The following HMG20A variants were observed in gnomAD, a reference collection of about 807,000 sequenced individuals.
HMG20A encodes high mobility group 20A.
In HMG20A, 17 loss-of-function variants were observed where a neutral mutation model predicts 43.9. The ratio of observed to expected loss-of-function variants is 0.39; its 90% confidence interval spans 0.27 to 0.58. The LOEUF is 0.58. Among genes scored for constraint, HMG20A ranks in the 20% least tolerant of loss-of-function variants. HMG20A has a pLI of 0.59. For missense variants in HMG20A, 341 were observed against 438.2 expected, an observed-to-expected ratio of 0.78 and a Z score of 1.98; for synonymous variants, 132 against 147.5, an observed-to-expected ratio of 0.89 and a Z score of 0.76.
chr15:77,430,291 G>A (rs189235769), intron 1 of HMG20A, among the ~76,000 whole-genome samples: 47 of 152,276 alleles, frequency 3.1e-4, no homozygotes, highest in Admixed American at 2.2e-3. Flanking sequence ...ATAACTTGCC[G>A]AATCACTTAA....
At chr15:77,437,927 A>G (rs373309678) in intron 1 of HMG20A, among the ~76,000 whole-genome samples, 2 of 151,716 alleles carry the variant, frequency 1.3e-5, no homozygotes, top group Non-Finnish European at 2.9e-5. Flanking sequence ...AGCAGTCTTG[A>G]CTAAATAACT....
At chr15:77,478,016 A>T in intron 7 of HMG20A, 2 of 520,700 alleles carry the variant, frequency 3.8e-6, no homozygotes, top group South Asian at 4.3e-5. Flanking sequence ...TGTACAATTT[A>T]AAAAGCAAAA....
chr15:77,463,381 T>A (rs2072723657), intron 2 of HMG20A, among the ~76,000 whole-genome samples: 1 of 152,208 alleles, frequency 6.6e-6, no homozygotes, highest in Admixed American at 6.5e-5. Flanking sequence ...TTCCCTATAA[T>A]ACTATGGGTT....
intron 1 of HMG20A, among the ~76,000 whole-genome samples, chr15:77,439,014 C>T (rs1156616311): frequency 6.6e-6 from 1 of 151,840 alleles, no homozygotes; most frequent in Non-Finnish European, 1.5e-5. Context: ...AGGATAGTCT[C>T]GATCTCCTTA....
intron 1 of HMG20A, among the ~76,000 whole-genome samples, chr15:77,446,527 G>A (rs1411856366): frequency 6.6e-6 from 1 of 152,136 alleles, no homozygotes; most frequent in Non-Finnish European, 1.5e-5. Flanking sequence ...TACATATGTG[G>A]CTGGGTGCGG....
chr15:77,454,467 T>G (rs1031861711), intron 1 of HMG20A, among the ~76,000 whole-genome samples: 4 of 152,096 alleles, frequency 2.6e-5, no homozygotes, highest in Admixed American at 6.5e-5. Flanking sequence ...CTGACTGAGT[T>G]GGAGGATTTG....
intron 2 of HMG20A, among the ~76,000 whole-genome samples, chr15:77,463,072 A>G (rs2072720411): frequency 1.3e-5 from 2 of 152,022 alleles, no homozygotes; most frequent in Non-Finnish European, 2.9e-5. Flanking sequence ...ACACCTAGCC[A>G]TTCTGCCTCT....
At chr15:77,517,804 C>G in the HMG20A span, among the ~76,000 whole-genome samples, 2 of 151,966 alleles carry the variant, frequency 1.3e-5, no homozygotes, top group Non-Finnish European at 2.9e-5. Context: ...CCTGGAGACA[C>G]TTCGCATACA....
chr15:77,461,010 A>G (rs2072699956), intron 2 of HMG20A, among the ~76,000 whole-genome samples: 1 of 152,118 alleles, frequency 6.6e-6, no homozygotes, highest in Admixed American at 6.6e-5. Context: ...AAAAAAAGTC[A>G]GAAAGAATAG....
chr15:77,429,449 T>A (rs901211944), intron 1 of HMG20A, among the ~76,000 whole-genome samples: 3 of 152,164 alleles, frequency 2.0e-5, no homozygotes, highest in Admixed American at 6.5e-5. Context: ...TTCCTATACT[T>A]CATAGCTTTA....
At chr15:77,495,918 A>G in the HMG20A span, among the ~76,000 whole-genome samples, 19 of 152,122 alleles carry the variant, frequency 1.2e-4, no homozygotes, top group Admixed American at 1.2e-3. Flanking sequence ...CACGAATGGT[A>G]GGTGGCTGTC....
intron 6 of HMG20A, among the ~76,000 whole-genome samples, chr15:77,476,264 C>T (rs1179847237): frequency 6.6e-6 from 1 of 152,006 alleles, no homozygotes; most frequent in Non-Finnish European, 1.5e-5. Context: ...GGTGGATCAC[C>T]TGAGGTCAGG....
chr15:77,479,961 A>G (rs1595933592), intron 9 of HMG20A, among the ~76,000 whole-genome samples: 1 of 152,310 alleles, frequency 6.6e-6, no homozygotes, highest in East Asian at 1.9e-4. Context: ...TGGACTCACC[A>G]TACAAACAGG....
At chr15:77,509,900 C>T in the HMG20A span, among the ~76,000 whole-genome samples, 22 of 126,466 alleles carry the variant, frequency 1.7e-4, no homozygotes, top group African/African-American at 6.0e-4. Context: ...AGCAAGACTC[C>T]GCCTCAAAAA....
At chr15:77,425,808 T>A (rs1400005024) in intron 1 of HMG20A, among the ~76,000 whole-genome samples, 1 of 152,178 alleles carries the variant, frequency 6.6e-6, no homozygotes, top group Admixed American at 6.5e-5. Flanking sequence ...ACTTAAAACA[T>A]GTTCACACAA....
At chr15:77,449,290 C>T (rs1469512751) in intron 1 of HMG20A, among the ~76,000 whole-genome samples, 1 of 152,032 alleles carries the variant, frequency 6.6e-6, no homozygotes, top group African/African-American at 2.4e-5. Flanking sequence ...TGCCTCTTCT[C>T]TCTCCTCGTC....
intron 1 of HMG20A, among the ~76,000 whole-genome samples, chr15:77,444,057 A>C (rs1024497917): frequency 1.3e-5 from 2 of 152,104 alleles, no homozygotes; most frequent in Non-Finnish European, 2.9e-5. Context: ...CTTTCTCATA[A>C]ATGTTTCATT....
chr15:77,453,038 G>A (rs954813729), intron 1 of HMG20A, among the ~76,000 whole-genome samples: 3 of 152,130 alleles, frequency 2.0e-5, no homozygotes, highest in African/African-American at 2.4e-5. Flanking sequence ...GACCAGCATG[G>A]CCAACATGGC....
intron 9 of HMG20A, chr15:77,482,090 C>T (rs2072909857): frequency 6.6e-6 from 1 of 152,114 alleles, no homozygotes; most frequent in Non-Finnish European, 1.5e-5. Flanking sequence ...TAGATGAGTA[C>T]AGAATCCAAG....
Sources: allele counts gnomAD v4.1 joint callset (sites outside exome capture counted in the v4.1 genomes callset), GRCh38; gene constraint gnomAD v4.1.1; transcripts MANE v1.5; gene names NCBI Gene and HGNC (gene_info 2026-07-23, HGNC 2026-07-21).